The following CEP85L variants were observed in gnomAD, a reference collection of about 807,000 sequenced individuals.
CEP85L encodes centrosomal protein of 85 kDa-like.
CEP85L carries 60 observed loss-of-function variants against 100.3 expected under a neutral mutation model. That is an observed-to-expected ratio of 0.60 (90% CI 0.49 to 0.74). The LOEUF is 0.74. Ranked by LOEUF, CEP85L falls within the 30% of genes least tolerant of loss-of-function variation. The pLI, the probability that CEP85L is intolerant of heterozygous loss-of-function variation, is 0.00. For missense variants in CEP85L, 973 were observed against 936.2 expected (o/e 1.04, Z -0.51); for synonymous variants, 319 against 322.7 (o/e 0.99, Z 0.12).
intron 1 of CEP85L, among the ~76,000 whole-genome samples, chr6:118,698,424 C>A (rs538002241): frequency 6.6e-6 from 1 of 151,808 alleles, no homozygotes; most frequent in African/African-American, 2.4e-5. Context: ...TCCTTTAGAG[C>A]AACTTATGGC....
At chr6:118,538,412 T>A (rs1019906510) in intron 3 of CEP85L, among the ~76,000 whole-genome samples, 5 of 151,806 alleles carry the variant, frequency 3.3e-5, no homozygotes, top group Admixed American at 2.0e-4. Flanking sequence ...AATATATATA[T>A]AAAAAACATC....
chr6:118,595,886 C>G (rs941991274), intron 2 of CEP85L, among the ~76,000 whole-genome samples: 4 of 152,078 alleles, frequency 2.6e-5, no homozygotes, highest in African/African-American at 9.7e-5. Context: ...AATGCTTACT[C>G]CAAGCCAAAT....
chr6:118,484,879 T>C (rs942501800), intron 6 of CEP85L, among the ~76,000 whole-genome samples: 10 of 152,174 alleles, frequency 6.6e-5, no homozygotes, highest in African/African-American at 2.4e-4. Context: ...TGAAACCAAT[T>C]CATACCTCAA....
intron 3 of CEP85L, among the ~76,000 whole-genome samples, chr6:118,550,725 GACAA>G (rs1562251734): frequency 6.6e-6 from 1 of 151,760 alleles, no homozygotes; most frequent in Non-Finnish European, 1.5e-5. Context: ...CCATGACACT[GACAA>G]ACAAAATTTG....
At chr6:118,694,974 T>C (rs1489091390) in intron 1 of CEP85L, among the ~76,000 whole-genome samples, 2 of 152,214 alleles carry the variant, frequency 1.3e-5, no homozygotes, top group Non-Finnish European at 2.9e-5. Flanking sequence ...TGTAAGGTTG[T>C]TGCAATCTTT....
intron 1 of CEP85L, among the ~76,000 whole-genome samples, chr6:118,650,332 C>A (rs1217108812): frequency 6.6e-6 from 1 of 152,196 alleles, no homozygotes; most frequent in Non-Finnish European, 1.5e-5. Context: ...GAACATATCA[C>A]AGGCAACCCA....
At chr6:118,705,679 C>T (rs912109213) in intron 1 of CEP85L, among the ~76,000 whole-genome samples, 1 of 152,256 alleles carries the variant, frequency 6.6e-6, no homozygotes, top group Non-Finnish European at 1.5e-5. Flanking sequence ...AGACATCAAT[C>T]TGACATGGCA....
chr6:118,557,552 C>T (rs765991571), intron 3 of CEP85L, among the ~76,000 whole-genome samples: 3 of 152,140 alleles, frequency 2.0e-5, no homozygotes, highest in Non-Finnish European at 2.9e-5. Context: ...GGTTCACTGG[C>T]ATGTTTAAGT....
rs555347464 is a variant in CEP85L at position 118,509,262 on chromosome 6, C to T, written c.1257+2036G>A. Among the ~76,000 whole-genome samples the T allele has an allele frequency of 6.6e-5, 10 of 152,024 alleles. No homozygotes were observed. The South Asian group carries it at 1.5e-3, about 22-fold the overall frequency. On this transcript the variant is annotated intron_variant, in intron 5 of 12. Transcript: ENST00000368491. ...CAGATACCTATTTTTTACATGCTTT[C>T]GATAATATGATAATTATATAATTAA... is the stretch of plus-strand genomic sequence containing the variant.
intron 10 of CEP85L, among the ~76,000 whole-genome samples, chr6:118,478,498 T>C (rs1021849726): frequency 1.3e-4 from 20 of 152,174 alleles, no homozygotes; most frequent in African/African-American, 4.1e-4. Context: ...TCTGAAAACC[T>C]TGATGGTCAG....
intron 3 of CEP85L, among the ~76,000 whole-genome samples, chr6:118,527,404 G>A (rs1777041098): frequency 6.6e-6 from 1 of 152,040 alleles, no homozygotes; most frequent in Admixed American, 6.6e-5. Context: ...CTGAACCCTA[G>A]TTTTGGGGTT....
chr6:118,578,945 G>A (rs536907075), intron 2 of CEP85L, among the ~76,000 whole-genome samples: 29 of 152,178 alleles, frequency 1.9e-4, no homozygotes, highest in African/African-American at 6.7e-4. Flanking sequence ...ACCCAGGCTG[G>A]TGTGCAATGG....
At position 118,565,777 on chromosome 6, in the gene CEP85L, C is replaced by A; in HGVS notation, c.772G>T (p.Ala258Ser). The change falls in exon 3 of 13, where the codon GCC becomes TCC. Residue 258 changes from alanine (A) to serine (S), a missense_variant. Physicochemically the swap from Ala to Ser is moderately conservative, Grantham distance 99. Coordinates refer to ENST00000368491, the MANE Select transcript of CEP85L (RefSeq NM_001042475.3). ...ATAATGGGCTTGCTTTCAGGTAAGGCACTATATGTCATGTCTACAGGCTGT... is the reference window on the plus strand; with the variant it reads ...ATAATGGGCTTGCTTTCAGGTAAGGAACTATATGTCATGTCTACAGGCTGT... Reference protein sequence around the residue: ...RRQPVDMTYSALPESKPIMTS... With the variant: ...RRQPVDMTYSSLPESKPIMTS... 6.2e-7 allele frequency: 1 copy of A among 1,614,126 alleles called. No individual in the cohort carries two copies. The highest frequency in any genetic ancestry group is 8.5e-7 in the Non-Finnish European group (1 of 1,180,012).
rs114358807 is a variant in CEP85L, at chr6:118,707,872, A to G, written c.-28+2164T>C. Among the ~76,000 whole-genome samples the G allele has an allele frequency of 5.3e-3, 803 of 151,944 alleles. 6 individuals are homozygous for G. Among genetic ancestry groups the G allele is most frequent in the African/African-American group, 0.018 (743 of 41,426 alleles). On this transcript the variant is annotated intron_variant, in intron 1 of 13. Coordinates refer to the CEP85L transcript ENST00000368488. ...TTATAGCCAGGAAAATAAAAATTAA[A>G]CATTGCAATATCACTTTATAGCTAC...
In CEP85L at chr6:118,540,141, C is replaced by T. The variant is rs1216648077; in HGVS notation, c.1021-16221G>A. On this transcript the variant is annotated intron_variant, in intron 3 of 12. Transcript: ENST00000368491. ...AAAAGAGGATGAGTAGCTAGAACAC[C>T]CTAGGGATATTTATCAGCCTTGAAA... 4.0e-5 allele frequency among the ~76,000 whole-genome samples: 6 copies of T among 151,390 alleles called. No individual in the cohort carries two copies. In the East Asian group the frequency reaches 1.2e-3, roughly 29 times the overall value.
At chr6:118,569,214 C>A (rs55850368) in intron 2 of CEP85L, among the ~76,000 whole-genome samples, 1 of 151,230 alleles carries the variant, frequency 6.6e-6, no homozygotes, top group Non-Finnish European at 1.5e-5. Flanking sequence ...TGGTGGCAGG[C>A]GCCTGTAATC....
At chr6:118,603,312 G>A (rs1781878264) in intron 2 of CEP85L, among the ~76,000 whole-genome samples, 1 of 152,278 alleles carries the variant, frequency 6.6e-6, no homozygotes, top group East Asian at 1.9e-4. Flanking sequence ...AAGGAATGAG[G>A]CCATTTCCTC....
At chr6:118,625,897 C>T (rs940937430) in intron 2 of CEP85L, among the ~76,000 whole-genome samples, 3 of 136,450 alleles carry the variant, frequency 2.2e-5, no homozygotes, top group Admixed American at 2.2e-4. Context: ...AATGGCCTTA[C>T]AAATGGAACC....
chr6:118,606,934 G>A (rs967263983), intron 2 of CEP85L, among the ~76,000 whole-genome samples: 1 of 151,898 alleles, frequency 6.6e-6, no homozygotes, highest in African/African-American at 2.4e-5. Context: ...AGAGAGAGAA[G>A]CCTGAAATCT....
Sources: allele counts gnomAD v4.1 joint callset (sites outside exome capture counted in the v4.1 genomes callset), GRCh38; gene constraint gnomAD v4.1.1; transcripts MANE v1.5; gene names NCBI Gene and HGNC (gene_info 2026-07-23, HGNC 2026-07-21).